NTPCR: variants seen among roughly 807,000 people sequenced by gnomAD.
NTPCR encodes cancer-related nucleoside-triphosphatase.
Under a neutral mutation model 19.5 loss-of-function variants are expected in NTPCR, and 15 were observed. The observed-to-expected ratio is 0.77, with a 90% CI of 0.51 to 1.18. The LOEUF (loss-of-function observed/expected upper bound fraction) is 1.18. Ranked by LOEUF, NTPCR falls within the 50% of genes most tolerant of loss-of-function variation. The pLI, the probability that NTPCR is intolerant of heterozygous loss-of-function variation, is 0.00. For synonymous variants in NTPCR, 90 were observed against 95.8 expected, an observed-to-expected ratio of 0.94 and a Z score of 0.36; for missense variants, 206 against 240.4, an observed-to-expected ratio of 0.86 and a Z score of 0.95.
intron 3 of NTPCR, among the ~76,000 whole-genome samples, chr1:232,959,693 A>T (rs1668614026): frequency 6.6e-6 from 1 of 152,190 alleles, no homozygotes; most frequent in South Asian, 2.1e-4. Context: ...CCCTTTATAA[A>T]GGGACACAGT....
chr1:232,968,733 T>A (rs1668891830), intron 3 of NTPCR: 1 of 152,232 alleles, frequency 6.6e-6, no homozygotes, highest in Admixed American at 6.5e-5. Context: ...ACTATATTGC[T>A]GTCATCATTT....
At position 232,983,048 on chromosome 1, in the gene NTPCR, T is replaced by C. The variant is rs1459904789; in HGVS notation, c.*4817T>C. 1 of 152,210 alleles carries C rather than the reference T, an allele frequency of 6.6e-6. No individual in the cohort carries two copies. The highest frequency in any genetic ancestry group is 1.9e-4 in the East Asian group (1 of 5,192). The allele number at this position is 152,210 out of a possible 1,614,324, so 9.4% of individuals were successfully genotyped here. A position where few individuals can be genotyped will look rare whatever the true frequency, so the allele number is the denominator to read the frequency against. ...TGATTATAGAGTACACTTGCTTTTA[T>C]TAATTGCTGATTCTTAGTTTACAAA... is the stretch of plus-strand genomic sequence containing the variant. On this transcript the variant is annotated 3_prime_UTR_variant, in exon 5 of 5. Transcript: ENST00000366628.
chr1:232,953,269 A>G (rs1226273527), intron 1 of NTPCR, among the ~76,000 whole-genome samples: 2 of 152,164 alleles, frequency 1.3e-5, no homozygotes, highest in Non-Finnish European at 2.9e-5. Flanking sequence ...CCAGAACCAA[A>G]ATAATTCCAG....
At position 232,980,742 on chromosome 1, in the gene NTPCR, G is replaced by A. The variant is rs1460459284; in HGVS notation, c.*2511G>A. 7.0e-6 allele frequency: 1 copy of A among 143,256 alleles called. No individual in the cohort carries two copies. Among genetic ancestry groups the A allele is most frequent in the Non-Finnish European group, 1.5e-5 (1 of 64,742 alleles). The allele number at this position is 143,256 out of a possible 1,614,324, so 8.9% of individuals were successfully genotyped here. A position where few individuals can be genotyped will look rare whatever the true frequency, so the allele number is the denominator to read the frequency against. On this transcript the variant is annotated 3_prime_UTR_variant, in exon 5 of 5. Coordinates refer to ENST00000366628, the MANE Select transcript of NTPCR (RefSeq NM_032324.3). ...GATTTAAAGGAAGAAGAGGTGCCGT[G>A]GCAGAACTCCACGTGACCGTCCCCT...
intron 1 of NTPCR, among the ~76,000 whole-genome samples, chr1:232,954,361 A>C (rs1339514238): frequency 1.3e-5 from 2 of 152,226 alleles, no homozygotes; most frequent in Non-Finnish European, 2.9e-5. Context: ...AATGGATCAT[A>C]TTTTATGTCA....
In NTPCR at chr1:232,980,590, T is replaced by C. The variant is rs1571973542; in HGVS notation, c.*2359T>C. 6.6e-6 allele frequency: 1 copy of C among 152,208 alleles called. No homozygotes were observed. Among genetic ancestry groups the C allele is most frequent in the African/African-American group, 2.4e-5 (1 of 41,438 alleles). 9.4% of individuals were successfully genotyped at this position (152,208 alleles called of 1,614,324 possible). On this transcript the variant is annotated 3_prime_UTR_variant, in exon 5 of 5. Coordinates refer to ENST00000366628, the MANE Select transcript of NTPCR (RefSeq NM_032324.3). ...TCAAACAGAATGATCATGGAGCATG[T>C]ATGGAGATGTCAGATGCAATCCCTG...
rs563671847 is a variant in NTPCR, at chr1:232,971,655, A to G, written c.504+1537A>G. Among the ~76,000 whole-genome samples the G allele has an allele frequency of 2.0e-5, 3 of 152,322 alleles. No individual in the cohort carries two copies. In the East Asian group the frequency reaches 5.8e-4, roughly 29 times the overall value. On this transcript the variant is annotated intron_variant, in intron 4 of 4. Transcript: ENST00000366628. Reference sequence around the variant, plus strand: ...AAGGCGCTGCTTTCATGGAGCTTACATTCTAATGGAGGAGCTGAATACCAA... The same window carrying G: ...AAGGCGCTGCTTTCATGGAGCTTACGTTCTAATGGAGGAGCTGAATACCAA...
Position 232,981,820 on chromosome 1 carries a change from C to G in NTPCR, c.*3589C>G, listed in dbSNP as rs1390203898. ...GTAACCTCCGCCTCCTGGGTTCAAG[C>G]GATTCTCCTGCCTCAACCTCCTGAG... On this transcript the variant is annotated 3_prime_UTR_variant, in exon 5 of 5. Transcript: ENST00000366628. The G allele has an allele frequency of 6.7e-6, 1 of 149,930 alleles. No individual in the cohort carries two copies. The highest frequency in any genetic ancestry group is 2.5e-5 in the African/African-American group (1 of 40,572). The allele number at this position is 149,930 out of a possible 1,614,324, so 9.3% of individuals were successfully genotyped here.
At chr1:232,961,902 T>G (rs1217247004) in intron 3 of NTPCR, 1 of 152,242 alleles carries the variant, frequency 6.6e-6, no homozygotes, top group Non-Finnish European at 1.5e-5. Context: ...TGCTTGTATG[T>G]ATAGTGTTTC....
chr1:232,955,479 C>CA, intron 1 of NTPCR, 78 bp from the exon 2 acceptor site: 1 of 1,259,424 alleles, frequency 7.9e-7, no homozygotes, highest in South Asian at 1.6e-5. Flanking sequence ...TCAGAGTCCA[C>CA]AAGTGCTGTG....
At chr1:232,964,028 A>G (rs1668742694) in intron 3 of NTPCR, 1 of 152,230 alleles carries the variant, frequency 6.6e-6, no homozygotes, top group South Asian at 2.1e-4. Context: ...TGTAAATCTT[A>G]CATTGAAAAA....
intron 3 of NTPCR, 73 bp downstream of exon 3, chr1:232,956,516 A>G (rs894765823): frequency 2.4e-5 from 26 of 1,067,072 alleles, no homozygotes; most frequent in Middle Eastern, 2.0e-4. Context: ...CCATGGAAAC[A>G]GAATGCCTTT....
chr1:232,977,067 C>G, intron 4 of NTPCR: 1 of 152,660 alleles, frequency 6.6e-6, no homozygotes, highest in East Asian at 1.9e-4. Flanking sequence ...CTATTGTATG[C>G]CAGGCCCCCT....
intron 2 of NTPCR, 22 bp downstream of exon 2, chr1:232,955,741 G>A (rs1668495799): frequency 6.2e-7 from 1 of 1,610,520 alleles, no homozygotes. Context: ...TCATTTCTGT[G>A]GTGTTCTATT....
intron 1 of NTPCR, among the ~76,000 whole-genome samples, chr1:232,953,054 C>T (rs1369163739): frequency 6.6e-6 from 1 of 152,184 alleles, no homozygotes; most frequent in Non-Finnish European, 1.5e-5. Flanking sequence ...GATAACTGAG[C>T]CACTTGCCCT....
chr1:232,964,095 C>T (rs1458001659), intron 3 of NTPCR: 1 of 152,120 alleles, frequency 6.6e-6, no homozygotes, highest in Non-Finnish European at 1.5e-5. Flanking sequence ...TTCTTTGTAA[C>T]ATTTCTTTTC....
Position 232,969,959 on chromosome 1 carries a change from T to C in NTPCR, c.345T>C (p.Ile115=). Residue 115 remains isoleucine (I), a synonymous_variant, in exon 4 of 5, where the codon ATT becomes ATC. Coordinates refer to ENST00000366628, the MANE Select transcript of NTPCR (RefSeq NM_032324.3). ...AAAGAGTGTGCGTCATCGATGAGAT[T>C]GGGAAGATGGAGCTCTTCAGTCAGC... ...PGQRVCVIDE[I]GKMELFSQLF... 2 of 1,614,088 alleles carry C rather than the reference T, an allele frequency of 1.2e-6. No homozygotes were observed. Among genetic ancestry groups the C allele is most frequent in the Non-Finnish European group, 1.7e-6 (2 of 1,179,994 alleles).
Position 232,956,327 on chromosome 1 carries a change from C to G in NTPCR, c.198-20C>G, listed in dbSNP as rs1477162251. 6.3e-7 allele frequency: 1 copy of G among 1,582,954 alleles called. No homozygotes were observed. The highest frequency in any genetic ancestry group is 1.7e-5 in the Admixed American group (1 of 59,896). On this transcript the variant is annotated intron_variant, in intron 2 of 4. Transcript: ENST00000366628. ...AATACAGGAGTTTTTCAACAAAGAA[C>G]ATAATGTCTTTTCCTTCAGGTTAGA...
intron 3 of NTPCR, among the ~76,000 whole-genome samples, chr1:232,958,436 G>A (rs1056903781): frequency 3.9e-5 from 6 of 152,218 alleles, no homozygotes; most frequent in Non-Finnish European, 8.8e-5. Flanking sequence ...GACATTCAGA[G>A]CTCAGCTGAA....
Sources: allele counts gnomAD v4.1 joint callset (sites outside exome capture counted in the v4.1 genomes callset), GRCh38; gene constraint gnomAD v4.1.1; transcripts MANE v1.5; gene names NCBI Gene and HGNC (gene_info 2026-07-23, HGNC 2026-07-21).